The following CFAP74 variants were observed in gnomAD, a reference collection of about 807,000 sequenced individuals.
CFAP74 encodes cilia and flagella associated protein 74, also known as cilia- and flagella-associated protein 74.
Under a neutral mutation model 188.9 loss-of-function variants are expected in CFAP74, and 124 were observed. That is an observed-to-expected ratio of 0.66 (90% CI 0.57 to 0.76). The LOEUF is 0.76. Ranked by LOEUF, CFAP74 falls within the 30% of genes least tolerant of loss-of-function variation. The pLI is 0.00. For synonymous variants in CFAP74, 956 were observed against 916.7 expected (o/e 1.04, Z -0.77); for missense variants, 2,198 against 2,165.2 (o/e 1.02, Z -0.30).
rs759071515 is a variant in CFAP74 at position 1,973,014 on chromosome 1, G to A, written c.708C>T (p.Leu236=). ...CGTCCTCCAGCAGCTTCTGGTGCCT[G>A]AGCCCGAGCTCCTTCTGGGTGTTCA... is the stretch of plus-strand genomic sequence containing the variant. The part of the protein sequence containing the change: ...KSLNTQKELG[L]RHQKLLEDAR... The change falls in exon 8 of 39, where the codon CTC becomes CTT. Residue 236 remains leucine, a synonymous_variant. Coordinates refer to ENST00000682832, the MANE Select transcript of CFAP74 (RefSeq NM_001304360.2). This position sits in a 1 kb window ranked among gnomAD's most constrained non-coding sequence, Gnocchi z 6.2. The A allele has an allele frequency of 3.1e-6, 5 of 1,614,042 alleles. No homozygotes were observed. The South Asian group carries it at 4.4e-5, about 14-fold the overall frequency.
chr1:1,934,632 C>T (rs1275404225), intron 25 of CFAP74, among the ~76,000 whole-genome samples: 3 of 115,474 alleles, frequency 2.6e-5, no homozygotes, highest in East Asian at 2.8e-4. Flanking sequence ...TAGGTACACA[C>T]GTGTGTACGT....
intron 26 of CFAP74, among the ~76,000 whole-genome samples, 184 bp downstream of exon 26, chr1:1,929,876 C>T (rs1166695942): frequency 6.6e-6 from 1 of 152,080 alleles, no homozygotes; most frequent in African/African-American, 2.4e-5. Context: ...CCTTGGGCCC[C>T]CATGCACATT....
Position 1,930,078 on chromosome 1 carries a change from C to A in CFAP74, c.3270G>T (p.Gly1090=). The A allele has an allele frequency of 6.5e-7, 1 of 1,527,160 alleles. No homozygotes were observed. The highest frequency in any genetic ancestry group is 8.8e-7 in the Non-Finnish European group (1 of 1,140,076). The allele number at this position is 1,527,160 out of a possible 1,614,324, so 94.6% of individuals were successfully genotyped here. The part of the protein sequence containing the change: ...DSPITISPSV[G]TVWPGKRCLV... ...CACCCACCTTTCCTGGCCACACGGT[C>A]CCCACTGAGGGCGAGATGGTGATAG... Residue 1090 remains glycine (G), a synonymous_variant, in exon 26 of 39, where the codon GGG becomes GGT. Coordinates refer to ENST00000682832, the MANE Select transcript of CFAP74 (RefSeq NM_001304360.2).
rs1262001706 is a variant in CFAP74 at position 1,923,420 on chromosome 1, A to T, written c.4469T>A (p.Val1490Glu). 6.2e-7 allele frequency: 1 copy of T among 1,601,918 alleles called. No homozygotes were observed. The highest frequency in any genetic ancestry group is 1.7e-5 in the Admixed American group (1 of 57,840). Residue 1490 changes from valine (V) to glutamate (E), a missense_variant, in exon 36 of 39, where the codon GTG becomes GAG. Physicochemically the swap from Val to Glu is moderately radical, Grantham distance 121. Transcript: ENST00000682832. This position sits in a 1 kb window ranked among gnomAD's most constrained non-coding sequence, Gnocchi z 6.3. Reference sequence around the variant, plus strand: ...GATCGCTGTCAGAGACTCCACGGGCACGTCCAGGGGGTCGCCGCCCTCCAC... The same window carrying T: ...GATCGCTGTCAGAGACTCCACGGGCTCGTCCAGGGGGTCGCCGCCCTCCAC... The part of the protein sequence containing the change: ...MFVEGGDPLD[V>E]PVESLTAIPV...
chr1:1,923,918 G>T lies in CFAP74; in HGVS notation c.4246C>A (p.Leu1416Ile). 1 of 1,610,796 alleles carries T rather than the reference G, an allele frequency of 6.2e-7. No individual in the cohort carries two copies. Among genetic ancestry groups the T allele is most frequent in the Non-Finnish European group, 8.5e-7 (1 of 1,178,460 alleles). The change falls in exon 35 of 39, where the codon CTC (leucine) becomes ATC (isoleucine). Residue 1416 changes from leucine (L) to isoleucine (I), a missense_variant. Coordinates refer to ENST00000682832, the MANE Select transcript of CFAP74 (RefSeq NM_001304360.2). The surrounding 1 kb of genome is among the most constrained non-coding windows in gnomAD (Gnocchi z 6.3). ...QRTEVVGTQN[L>I]NGQSVFSVAP... is the part of the protein sequence containing the mutation. The stretch of plus-strand genomic sequence containing the variant: ...ACGCTGAACACGCTCTGACCGTTGA[G>T]ATTCTGCGTCCCTGCGGGTAGGGTG...
intron 20 of CFAP74, among the ~76,000 whole-genome samples, chr1:1,945,212 T>A (rs963383394): frequency 6.6e-6 from 1 of 151,528 alleles, no homozygotes; most frequent in Non-Finnish European, 1.5e-5. Flanking sequence ...GAGGCTGAGG[T>A]GGGAGAATCG....
rs959298009 is a variant in CFAP74, at chr1:1,971,919, C to A, written c.888+61G>T. 27 of 1,326,642 alleles carry A rather than the reference C, an allele frequency of 2.0e-5. No homozygotes were observed. In the African/African-American group the frequency reaches 3.2e-4, roughly 16 times the overall value. The allele number at this position is 1,326,642 out of a possible 1,614,324, so 82.2% of individuals were successfully genotyped here. A position where few individuals can be genotyped will look rare whatever the true frequency, so the allele number is the denominator to read the frequency against. The stretch of plus-strand genomic sequence containing the variant: ...GGGCCTGGCTCCCAAGGAGCAGGGG[C>A]CCAGGGACGGACCCCGGCAGGGCGC... On this transcript the variant is annotated intron_variant, in intron 9 of 38. Transcript: ENST00000682832.
At position 1,949,109 on chromosome 1, in the gene CFAP74, CCTTT is replaced by C. The variant is rs367844372; in HGVS notation, c.2177-2059_2177-2056del. On this transcript the variant is annotated intron_variant, in intron 18 of 38. Transcript: ENST00000682832. ...TCCTCCCTCCCTCCTTTCCTTCCTT[CCTTT>C]CCTTTCTTCCCTTCCCTCCCTCCCT... Among the ~76,000 whole-genome samples, 891 of 126,348 alleles carry C rather than the reference CCTTT, an allele frequency of 7.1e-3. 10 individuals are homozygous for C. The highest frequency in any genetic ancestry group is 0.025 in the African/African-American group (815 of 32,416). 82.9% of individuals were successfully genotyped at this position (126,348 alleles called of 152,430 possible).
rs111677580 is a variant in CFAP74 at position 1,939,360 on chromosome 1, C to T, written c.2877+234G>A. Reference sequence around the variant, plus strand: ...CAGGGGAAAGTTTCAGAAGAAAGAGCGGGGAGAGGGATCTGGAGCGCAGGA... The same window carrying T: ...CAGGGGAAAGTTTCAGAAGAAAGAGTGGGGAGAGGGATCTGGAGCGCAGGA... On this transcript the variant is annotated intron_variant, in intron 24 of 38. Transcript: ENST00000682832. Among the ~76,000 whole-genome samples, 331 of 152,262 alleles carry T rather than the reference C, an allele frequency of 2.2e-3. 1 individual carries two copies. Among genetic ancestry groups the T allele is most frequent in the African/African-American group, 7.4e-3 (307 of 41,554 alleles).
At chr1:1,931,631 G>A (rs1345173406) in intron 25 of CFAP74, among the ~76,000 whole-genome samples, 1 of 150,440 alleles carries the variant, frequency 6.6e-6, no homozygotes, top group African/African-American at 2.5e-5. Flanking sequence ...CAGCTATTTG[G>A]GAGGCTGAGG....
Position 1,925,958 on chromosome 1 carries a change from C to A in CFAP74, c.3949-20G>T, listed in dbSNP as rs1256796217. On this transcript the variant is annotated intron_variant, in intron 32 of 38. Coordinates refer to ENST00000682832, the MANE Select transcript of CFAP74 (RefSeq NM_001304360.2). ...TTGAGCCTAAAGAGACCACATCGCT[C>A]AGCCAGGAACCGATGTCTGCTGGAG... 5.1e-6 allele frequency: 8 copies of A among 1,574,144 alleles called. No homozygotes were observed. The East Asian group carries it at 1.9e-4, about 36-fold the overall frequency.
At chr1:1,949,871 C>A (rs77615579) in intron 18 of CFAP74, among the ~76,000 whole-genome samples, 1 of 152,188 alleles carries the variant, frequency 6.6e-6, no homozygotes, top group East Asian at 1.9e-4. Flanking sequence ...GTTTGCTGCT[C>A]GGCAGTGCTG....
intron 6 of CFAP74, among the ~76,000 whole-genome samples, chr1:1,974,445 C>T (rs752192189): frequency 7.9e-5 from 12 of 152,198 alleles, no homozygotes; most frequent in African/African-American, 2.4e-4. Flanking sequence ...TGCACTCCCG[C>T]GTGCCACCTG....
intron 18 of CFAP74, among the ~76,000 whole-genome samples, chr1:1,950,316 A>T (rs1314719553): frequency 1.3e-5 from 2 of 149,020 alleles, no homozygotes; most frequent in Non-Finnish European, 3.0e-5. Flanking sequence ...CTGGTGAAGC[A>T]TCTGTTCAGT....
Position 1,923,054 on chromosome 1 carries a change from C to G in CFAP74, c.4614G>C (p.Thr1538=). 6.2e-7 allele frequency: 1 copy of G among 1,608,446 alleles called. No homozygotes were observed. The highest frequency in any genetic ancestry group is 1.7e-5 in the Admixed American group (1 of 58,356). The change falls in exon 37 of 39, where the codon ACG becomes ACC. Residue 1538 remains threonine, a synonymous_variant. Coordinates refer to ENST00000682832, the MANE Select transcript of CFAP74 (RefSeq NM_001304360.2). The surrounding 1 kb of genome is among the most constrained non-coding windows in gnomAD (Gnocchi z 6.3). ...TLDYIQFDTD[T]PAPPATRELQ... The stretch of plus-strand genomic sequence containing the variant: ...GCTCTCGGGTGGCAGGTGGGGCTGG[C>G]GTGTCTGTGTCAAACTGGATGTAGT...
At chr1:1,955,325 G>C (rs746585973) in intron 18 of CFAP74, 1 of 1,310,674 alleles carries the variant, frequency 7.6e-7, no homozygotes, top group South Asian at 1.2e-5. Context: ...CCGCTGGTGC[G>C]CGTCTAACAA....
intron 25 of CFAP74, among the ~76,000 whole-genome samples, chr1:1,938,503 C>T (rs1303752622): frequency 1.3e-5 from 2 of 152,026 alleles, no homozygotes; most frequent in African/African-American, 4.8e-5. Context: ...CGCACTCACA[C>T]ACCCCCATAT....
At chr1:1,938,124 TTCA>T (rs1432922155) in intron 25 of CFAP74, among the ~76,000 whole-genome samples, 3 of 94,560 alleles carry the variant, frequency 3.2e-5, no homozygotes, top group Non-Finnish European at 7.4e-5. Flanking sequence ...TGCACTCACA[TTCA>T]GTCACATGCT....
chr1:1,970,795 C>T lies in CFAP74; in HGVS notation c.910G>A (p.Ala304Thr). The change falls in exon 10 of 39, where the codon GCA (alanine) becomes ACA (threonine). Residue 304 changes from alanine to threonine, a missense_variant. By Grantham distance (58) the Ala-to-Thr change is moderately conservative. Transcript: ENST00000682832. ...ANRDTLRKFQ[A>T]WDRAKAELAE... ...AGCTCTGCCTTGGCACGGTCCCATG[C>T]TTGGAACTTCCGCAGTGTGTCCTTG... 1 of 1,614,142 alleles carries T rather than the reference C, an allele frequency of 6.2e-7. No individual in the cohort carries two copies. The highest frequency in any genetic ancestry group is 1.1e-5 in the South Asian group (1 of 91,090).
Sources: gnomAD v4.1 joint callset for allele counts (sites outside exome capture counted in the v4.1 genomes callset) on GRCh38, gnomAD v4.1.1 for gene constraint, Gnocchi (gnomAD v3.1) non-coding constraint, MANE v1.5 for transcripts, NCBI Gene and HGNC (gene_info 2026-07-23, HGNC 2026-07-21) for gene names.